Variants in SORCS2 observed in about 807,000 individuals in gnomAD.
SORCS2 encodes VPS10 domain-containing receptor SorCS2.
A neutral mutation model predicts 141.6 loss-of-function variants in SORCS2; 100 were observed. That is an observed-to-expected ratio of 0.71 (90% confidence interval 0.60 to 0.83). The LOEUF is 0.83. SORCS2 is among the 40% of genes least tolerant of loss of function. SORCS2 has a pLI of 0.00. For missense variants in SORCS2, 1,646 were observed against 1,560.2 expected (o/e 1.05, Z -0.93); for synonymous variants, 789 against 676.9 (o/e 1.17, Z -2.57).
At chr4:7,530,572 C>T (rs1316355440) in intron 2 of SORCS2, among the ~76,000 whole-genome samples, 1 of 152,208 alleles carries the variant, frequency 6.6e-6, no homozygotes, top group Non-Finnish European at 1.5e-5. Context: ...GAAATGCTTC[C>T]CCGAGCACCT....
rs1430731278 is a variant in SORCS2, at chr4:7,712,923, C to G, written c.1989+70C>G. On this transcript the variant is annotated intron_variant, in intron 15 of 26. Transcript: ENST00000507866. ...GCAAACACAGGCCCACTCTGCCTGC[C>G]AAAGTCCTCCCCTGCAAGGCCGCAG... 3.2e-6 allele frequency: 5 copies of G among 1,581,576 alleles called. No individual in the cohort carries two copies. In the East Asian group the frequency reaches 6.8e-5, roughly 22 times the overall value.
chr4:7,384,408 G>A (rs1298653571), intron 1 of SORCS2, among the ~76,000 whole-genome samples: 1 of 152,194 alleles, frequency 6.6e-6, no homozygotes, highest in Non-Finnish European at 1.5e-5. Context: ...CAGGCATCTT[G>A]GGTGAGGCAT....
chr4:7,456,735 C>G (rs1313868549), intron 2 of SORCS2, among the ~76,000 whole-genome samples: 1 of 152,132 alleles, frequency 6.6e-6, no homozygotes, highest in Non-Finnish European at 1.5e-5. Context: ...TGGCTTTGAG[C>G]CAGACCTTGG....
rs186191803 is a variant in SORCS2 at position 7,683,949 on chromosome 4, C to G, written c.1488+1060C>G. Among the ~76,000 whole-genome samples, 117 of 152,256 alleles carry G rather than the reference C, an allele frequency of 7.7e-4. 2 individuals are homozygous for G. In the East Asian group the frequency reaches 0.017, roughly 22 times the overall value. On this transcript the variant is annotated intron_variant, in intron 10 of 26. Coordinates refer to ENST00000507866, the MANE Select transcript of SORCS2 (RefSeq NM_020777.3). The stretch of plus-strand genomic sequence containing the variant: ...AAGGAGAGACAGAGCTGTAAGGAGC[C>G]CTGGTCCTAGCTAAGGTGAGCACTC...
At chr4:7,337,607 C>T (rs976841761) in intron 1 of SORCS2, among the ~76,000 whole-genome samples, 2 of 152,172 alleles carry the variant, frequency 1.3e-5, no homozygotes, top group African/African-American at 4.8e-5. Context: ...GTGGGCCTTG[C>T]AGCCACGGCC....
chr4:7,520,505 T>A lies in SORCS2; in HGVS notation c.549-11025T>A, dbSNP rs1270346179. Among the ~76,000 whole-genome samples the A allele has an allele frequency of 3.3e-5, 5 of 152,054 alleles. No homozygotes were observed. The East Asian group carries it at 9.7e-4, about 29-fold the overall frequency. ...GGGATTGCGCCCAGCCCAGCTTCATTCTGGAACGATCTGCTAGTGAGTGTC... is the reference window on the plus strand; with the variant it reads ...GGGATTGCGCCCAGCCCAGCTTCATACTGGAACGATCTGCTAGTGAGTGTC... On this transcript the variant is annotated intron_variant, in intron 2 of 26. Transcript: ENST00000507866.
At chr4:7,517,861 C>CACCACGCACAGCCCCTCT (rs1174230485) in intron 2 of SORCS2, among the ~76,000 whole-genome samples, 2 of 152,176 alleles carry the variant, frequency 1.3e-5, no homozygotes, top group African/African-American at 4.8e-5. Flanking sequence ...AGTGGATTTC[C>CACCACGCACAGCCCCTCT]ACCACGCACA....
intron 14 of SORCS2, among the ~76,000 whole-genome samples, chr4:7,711,063 A>G (rs1431044059): frequency 6.6e-6 from 1 of 152,190 alleles, no homozygotes; most frequent in African/African-American, 2.4e-5. Context: ...TAGGGAGCAC[A>G]GGGAGGCAGG....
At chr4:7,735,971 G>T (rs1712135597) in intron 25 of SORCS2, among the ~76,000 whole-genome samples, 1 of 152,166 alleles carries the variant, frequency 6.6e-6, no homozygotes, top group South Asian at 2.1e-4. Context: ...GCTTAAAGTT[G>T]GTGCTGACAA....
At chr4:7,511,979 G>A (rs1214573112) in intron 2 of SORCS2, among the ~76,000 whole-genome samples, 2 of 152,204 alleles carry the variant, frequency 1.3e-5, no homozygotes, top group African/African-American at 2.4e-5. Flanking sequence ...GAGACACGGT[G>A]CCCTCCCCAG....
chr4:7,316,497 C>T (rs1244762129), intron 1 of SORCS2, among the ~76,000 whole-genome samples: 1 of 152,172 alleles, frequency 6.6e-6, no homozygotes, highest in Non-Finnish European at 1.5e-5. Flanking sequence ...AGCATGGTAC[C>T]CAGTATGTGC....
intron 14 of SORCS2, among the ~76,000 whole-genome samples, 197 bp downstream of exon 14, chr4:7,704,481 G>A (rs545804657): frequency 2.4e-4 from 36 of 152,356 alleles, no homozygotes; most frequent in Non-Finnish European, 4.6e-4. Context: ...CTCTTGAGCC[G>A]GTGATTATAT....
At position 7,605,719 on chromosome 4, in the gene SORCS2, C is replaced by T. The variant is rs1577829967; in HGVS notation, c.649-32609C>T. On this transcript the variant is annotated intron_variant, in intron 3 of 26. Transcript: ENST00000507866. Reference sequence around the variant, plus strand: ...GGGATCCCTTGCTGTTTCACATCTGCCTCTGCTCTCTGTTCCATTTCATTC... The same window carrying T: ...GGGATCCCTTGCTGTTTCACATCTGTCTCTGCTCTCTGTTCCATTTCATTC... Among the ~76,000 whole-genome samples the T allele has an allele frequency of 4.6e-5, 7 of 152,276 alleles. 1 individual carries two copies. The highest frequency in any genetic ancestry group is 4.6e-4 in the Admixed American group (7 of 15,294).
At chr4:7,424,173 C>A (rs530576226) in intron 2 of SORCS2, among the ~76,000 whole-genome samples, 1 of 152,352 alleles carries the variant, frequency 6.6e-6, no homozygotes, top group East Asian at 1.9e-4. Context: ...GACAGAGCTG[C>A]AGGCTTGGCC....
chr4:7,280,052 G>A (rs1715767065), intron 1 of SORCS2, among the ~76,000 whole-genome samples: 2 of 152,124 alleles, frequency 1.3e-5, no homozygotes, highest in South Asian at 4.2e-4. Flanking sequence ...GATAATTTGG[G>A]ATCATTCACG....
intron 1 of SORCS2, among the ~76,000 whole-genome samples, chr4:7,366,143 CCCT>C (rs1271407245): frequency 6.6e-6 from 1 of 152,164 alleles, no homozygotes; most frequent in Non-Finnish European, 1.5e-5. Flanking sequence ...ATCCCTGCCA[CCCT>C]CCTCCTCCTT....
chr4:7,241,158 C>T (rs529133200), intron 1 of SORCS2, among the ~76,000 whole-genome samples: 9 of 152,230 alleles, frequency 5.9e-5, no homozygotes, highest in Non-Finnish European at 1.2e-4. Flanking sequence ...AGGCTGGTTT[C>T]GAACTCTTGA....
intron 1 of SORCS2, among the ~76,000 whole-genome samples, chr4:7,358,527 GC>G (rs1180437082): frequency 1.3e-5 from 2 of 152,238 alleles, no homozygotes; most frequent in African/African-American, 4.8e-5. Context: ...GTAGCTGGAT[GC>G]ATTCCCGTCC....
At chr4:7,680,045 C>T (rs1264462151) in intron 9 of SORCS2, among the ~76,000 whole-genome samples, 4 of 152,226 alleles carry the variant, frequency 2.6e-5, no homozygotes, top group Non-Finnish European at 5.9e-5. Context: ...AGGGCAGAAG[C>T]CCTCTGGGTG....
Sources: allele counts gnomAD v4.1 joint callset (sites outside exome capture counted in the v4.1 genomes callset), GRCh38; gene constraint gnomAD v4.1.1; transcripts MANE v1.5; gene names NCBI Gene and HGNC (gene_info 2026-07-23, HGNC 2026-07-21).